Variants in CHST9 observed in about 807,000 individuals in gnomAD.
CHST9 encodes the protein carbohydrate sulfotransferase 9, also known as GalNAc-4-sulfotransferase 2.
Under a neutral mutation model 44.4 loss-of-function variants are expected in CHST9, and 41 were observed. That is an observed-to-expected ratio of 0.92 (90% CI 0.72 to 1.20). The LOEUF (loss-of-function observed/expected upper bound fraction) is 1.20. Ranked by LOEUF, CHST9 falls within the 50% of genes most tolerant of loss-of-function variation. The pLI is 0.00. For synonymous variants in CHST9, 171 were observed against 178.4 expected (o/e 0.96, Z 0.33); for missense variants, 504 against 516.5 (o/e 0.98, Z 0.23).
intron 2 of CHST9, among the ~76,000 whole-genome samples, chr18:27,050,327 A>G (rs2057550641): frequency 6.6e-6 from 1 of 152,176 alleles, no homozygotes; most frequent in South Asian, 2.1e-4. Flanking sequence ...GTACCTGGGC[A>G]ATGGTGTGTA....
At chr18:27,182,739 C>G (rs1266337500) in intron 1 of CHST9, among the ~76,000 whole-genome samples, 1 of 152,052 alleles carries the variant, frequency 6.6e-6, no homozygotes, top group Non-Finnish European at 1.5e-5. Context: ...AATCTATCTG[C>G]TGATTACATC....
In CHST9 at chr18:26,963,573, T is replaced by TA. The variant is rs34202207; in HGVS notation, c.203-19208dup. On this transcript the variant is annotated intron_variant, in intron 4 of 5. Transcript: ENST00000618847. The stretch of plus-strand genomic sequence containing the variant: ...TCCAGCTTCTGTTTTTAAGGAGTAT[T>TA]AAAAAAAAAAAAAAAAGGAAACAAT... Among the ~76,000 whole-genome samples the TA allele has an allele frequency of 8.5e-3, 1,160 of 137,252 alleles. 13 individuals are homozygous for TA. Among genetic ancestry groups the TA allele is most frequent in the African/African-American group, 0.026 (994 of 38,376 alleles). 90.0% of individuals were successfully genotyped at this position (137,252 alleles called of 152,430 possible). A position where few individuals can be genotyped will look rare whatever the true frequency, so the allele number is the denominator to read the frequency against.
At chr18:27,022,669 G>C (rs914513675) in intron 4 of CHST9, among the ~76,000 whole-genome samples, 1 of 152,136 alleles carries the variant, frequency 6.6e-6, no homozygotes, top group Admixed American at 6.5e-5. Context: ...TGCCTGAAAT[G>C]CTGCCCTTCC....
At chr18:26,983,443 A>G (rs2056717098) in intron 4 of CHST9, among the ~76,000 whole-genome samples, 1 of 151,706 alleles carries the variant, frequency 6.6e-6, no homozygotes, top group African/African-American at 2.4e-5. Context: ...TTCGCCCCCA[A>G]CTCACTCTCT....
intron 1 of CHST9, among the ~76,000 whole-genome samples, chr18:27,153,474 CT>C (rs2058673848): frequency 1.3e-5 from 2 of 151,582 alleles, no homozygotes; most frequent in Admixed American, 1.3e-4. Flanking sequence ...TTCACATGGC[CT>C]TTTCCTCTCT....
intron 3 of CHST9, among the ~76,000 whole-genome samples, chr18:27,031,764 C>T (rs1038115251): frequency 1.3e-5 from 2 of 152,212 alleles, no homozygotes; most frequent in African/African-American, 4.8e-5. Flanking sequence ...AAGCTTGAAA[C>T]AGCCCTCATC....
At chr18:27,111,455 G>C (rs948761648) in intron 2 of CHST9, among the ~76,000 whole-genome samples, 1 of 152,208 alleles carries the variant, frequency 6.6e-6, no homozygotes, top group African/African-American at 2.4e-5. Context: ...AGGCCAGTCA[G>C]GGCAGAACTA....
At chr18:27,175,416 T>C (rs2058860660) in intron 1 of CHST9, among the ~76,000 whole-genome samples, 1 of 152,030 alleles carries the variant, frequency 6.6e-6, no homozygotes. Flanking sequence ...GGAAGTAATA[T>C]AAAGGCATGC....
chr18:27,109,216 C>T (rs1037433117), intron 2 of CHST9, among the ~76,000 whole-genome samples: 4 of 152,128 alleles, frequency 2.6e-5, no homozygotes, highest in Admixed American at 6.5e-5. Context: ...ATGCCCACAC[C>T]TGGGATGGCC....
At chr18:27,179,147 T>C (rs1432753701) in intron 1 of CHST9, among the ~76,000 whole-genome samples, 2 of 151,858 alleles carry the variant, frequency 1.3e-5, no homozygotes, top group African/African-American at 4.8e-5. Flanking sequence ...TATGGAGATA[T>C]ACATTTAAGC....
At chr18:27,042,490 T>A (rs1453351023) in intron 3 of CHST9, among the ~76,000 whole-genome samples, 1 of 152,022 alleles carries the variant, frequency 6.6e-6, no homozygotes, top group East Asian at 1.9e-4. Flanking sequence ...AGGAGCACAA[T>A]CAGTTTTCTC....
At chr18:27,053,333 A>G (rs62082158) in intron 2 of CHST9, among the ~76,000 whole-genome samples, 1,017 of 54,622 alleles carry the variant, frequency 0.019, 109 homozygotes, top group Middle Eastern at 0.038. Flanking sequence ...AGAAGATTTC[A>G]TTAAAAAAAA....
chr18:26,963,972 A>C (rs1315987937), intron 4 of CHST9, among the ~76,000 whole-genome samples: 1 of 152,246 alleles, frequency 6.6e-6, no homozygotes, highest in Non-Finnish European at 1.5e-5. Flanking sequence ...AAGGAAAGAA[A>C]AAGTGATTAT....
chr18:26,998,829 A>T (rs1254450002), intron 4 of CHST9, among the ~76,000 whole-genome samples: 1 of 152,170 alleles, frequency 6.6e-6, no homozygotes, highest in Non-Finnish European at 1.5e-5. Flanking sequence ...CAAATGGGAA[A>T]GAATTTCCTG....
intron 2 of CHST9, among the ~76,000 whole-genome samples, chr18:27,062,816 A>G (rs905182978): frequency 2.0e-5 from 3 of 152,022 alleles, no homozygotes; most frequent in Non-Finnish European, 4.4e-5. Flanking sequence ...ATCCTCTCCA[A>G]CACCTGTTGT....
intron 4 of CHST9, among the ~76,000 whole-genome samples, chr18:26,949,898 G>A (rs1396307643): frequency 6.6e-6 from 1 of 152,198 alleles, no homozygotes; most frequent in Non-Finnish European, 1.5e-5. Context: ...AGGGCTGTGA[G>A]CCAAGTACTG....
At chr18:27,146,411 C>T (rs927339512) in intron 1 of CHST9, among the ~76,000 whole-genome samples, 2 of 152,154 alleles carry the variant, frequency 1.3e-5, no homozygotes, top group Middle Eastern at 6.3e-3. Flanking sequence ...AAATGGCTCT[C>T]ATTAAACAAA....
At chr18:26,969,537 C>A (rs977206178) in intron 4 of CHST9, among the ~76,000 whole-genome samples, 4 of 152,088 alleles carry the variant, frequency 2.6e-5, no homozygotes, top group African/African-American at 9.7e-5. Context: ...TGAAAACCGA[C>A]CGGGCTAGGC....
intron 1 of CHST9, among the ~76,000 whole-genome samples, chr18:27,167,542 T>C (rs1462839901): frequency 1.3e-5 from 2 of 152,256 alleles, no homozygotes; most frequent in Non-Finnish European, 2.9e-5. Flanking sequence ...ATAACAGCAA[T>C]ACTTTAGTTG....
Sources: allele counts gnomAD v4.1 joint callset (sites outside exome capture counted in the v4.1 genomes callset), GRCh38; gene constraint gnomAD v4.1.1; transcripts MANE v1.5; gene names NCBI Gene and HGNC (gene_info 2026-07-23, HGNC 2026-07-21).